PBX3: variants seen among roughly 807,000 people sequenced by gnomAD.
PBX3 encodes PBX homeobox 3.
In PBX3, 14 loss-of-function variants were observed where a neutral mutation model predicts 48.5. The ratio of observed to expected loss-of-function variants is 0.29; its 90% CI spans 0.19 to 0.45. The LOEUF (loss-of-function observed/expected upper bound fraction) is 0.45. Among genes scored for constraint, PBX3 ranks in the 20% least tolerant of loss-of-function variants. PBX3 has a pLI of 1.00. For synonymous variants in PBX3, 210 were observed against 200.3 expected (o/e 1.05, Z -0.41); for missense variants, 386 against 546.7 (o/e 0.71, Z 2.93).
chr9:125,902,278 G>A (rs1326660909), intron 2 of PBX3, among the ~76,000 whole-genome samples: 1 of 151,608 alleles, frequency 6.6e-6, no homozygotes, highest in Admixed American at 6.6e-5. Flanking sequence ...TTAGAGCATT[G>A]ACCAGTGTTA....
intron 2 of PBX3, among the ~76,000 whole-genome samples, chr9:125,897,625 C>G (rs1190824202): frequency 2.0e-5 from 3 of 151,770 alleles, no homozygotes; most frequent in Non-Finnish European, 2.9e-5. Context: ...TCTAAAAAAC[C>G]ACATACTAAA....
chr9:125,772,319 C>A (rs1836961242), intron 2 of PBX3, among the ~76,000 whole-genome samples: 1 of 152,178 alleles, frequency 6.6e-6, no homozygotes, highest in Non-Finnish European at 1.5e-5. Context: ...TTAATAATTA[C>A]TAGTTCTTTT....
intron 5 of PBX3, among the ~76,000 whole-genome samples, chr9:125,944,143 T>C (rs1842019781): frequency 6.6e-6 from 1 of 152,224 alleles, no homozygotes; most frequent in Non-Finnish European, 1.5e-5. Context: ...CCTCCTGGCT[T>C]CCCACTTCTG....
In PBX3 at chr9:125,935,619, C is replaced by T. The variant is rs368123826; in HGVS notation, c.843+12C>T. 4.3e-6 allele frequency: 7 copies of T among 1,613,128 alleles called. No individual in the cohort carries two copies. Among genetic ancestry groups the T allele is most frequent in the South Asian group, 3.3e-5 (3 of 91,022 alleles). On this transcript the variant is annotated intron_variant, in intron 5 of 8. Transcript: ENST00000373489. ...TCACAGTGTCACAGGTGAGAAAGGACCCATGGGTCTGTCTTGTTCCCTGTG... is the reference window on the plus strand; with the variant it reads ...TCACAGTGTCACAGGTGAGAAAGGATCCATGGGTCTGTCTTGTTCCCTGTG...
At chr9:125,815,275 TCTC>T (rs1449038123) in intron 2 of PBX3, among the ~76,000 whole-genome samples, 2 of 152,226 alleles carry the variant, frequency 1.3e-5, no homozygotes, top group African/African-American at 4.8e-5. Flanking sequence ...TTGCTGTTCT[TCTC>T]CTTCCTATAG....
intron 5 of PBX3, among the ~76,000 whole-genome samples, chr9:125,946,609 C>G (rs1842068843): frequency 6.6e-6 from 1 of 152,026 alleles, no homozygotes; most frequent in African/African-American, 2.4e-5. Context: ...GCAGATTAGA[C>G]ATTGCTGAAA....
At chr9:125,876,628 A>G (rs558227253) in intron 2 of PBX3, among the ~76,000 whole-genome samples, 1 of 152,172 alleles carries the variant, frequency 6.6e-6, no homozygotes, top group Non-Finnish European at 1.5e-5. Flanking sequence ...TGTTATCAGT[A>G]AGGCTTCCAG....
chr9:125,948,609 A>G (rs1197494703), intron 5 of PBX3, among the ~76,000 whole-genome samples: 1 of 152,112 alleles, frequency 6.6e-6, no homozygotes, highest in Non-Finnish European at 1.5e-5. Context: ...TTAGAAAGAA[A>G]TTTATAGCTT....
chr9:125,931,100 A>G (rs2132516789), intron 4 of PBX3, among the ~76,000 whole-genome samples: 1 of 152,326 alleles, frequency 6.6e-6, no homozygotes, highest in South Asian at 2.1e-4. Context: ...ATCACTATAA[A>G]TGTTTTACAA....
At position 125,764,177 on chromosome 9, in the gene PBX3, C is replaced by G. The variant is rs1564642719; in HGVS notation, c.274+15554C>G. 5.9e-5 allele frequency among the ~76,000 whole-genome samples: 9 copies of G among 152,248 alleles called. 1 individual carries two copies. The South Asian group carries it at 1.7e-3, about 28-fold the overall frequency. The stretch of plus-strand genomic sequence containing the variant: ...GGCTTTCACCTTTTTCCTGCCCCTC[C>G]CCCTGGTTTTTCTCAGTGAATGTTT... On this transcript the variant is annotated intron_variant, in intron 2 of 8. Transcript: ENST00000373489.
chr9:125,771,057 G>GGGA (rs1300658747), intron 2 of PBX3, among the ~76,000 whole-genome samples: 1 of 152,150 alleles, frequency 6.6e-6, no homozygotes, highest in East Asian at 1.9e-4. Flanking sequence ...GGTCAGGCTT[G>GGGA]GGAAGATATA....
intron 2 of PBX3, among the ~76,000 whole-genome samples, chr9:125,777,522 A>ATTT (rs200498451): frequency 7.1e-6 from 1 of 140,054 alleles, no homozygotes. Flanking sequence ...TGCCTGGCTA[A>ATTT]TTTTTTTTTT....
intron 2 of PBX3, among the ~76,000 whole-genome samples, chr9:125,822,922 A>G (rs1838695241): frequency 6.6e-6 from 1 of 151,958 alleles, no homozygotes; most frequent in African/African-American, 2.4e-5. Context: ...TGGATCATCC[A>G]TATCAATAGT....
chr9:125,864,362 G>A (rs1405970232), intron 2 of PBX3, among the ~76,000 whole-genome samples: 2 of 152,170 alleles, frequency 1.3e-5, no homozygotes, highest in African/African-American at 2.4e-5. Context: ...GCACTAGGGA[G>A]TGGTTTCATG....
At chr9:125,808,703 T>A (rs1838200712) in intron 2 of PBX3, among the ~76,000 whole-genome samples, 1 of 152,088 alleles carries the variant, frequency 6.6e-6, no homozygotes, top group Non-Finnish European at 1.5e-5. Context: ...TAAACACTAA[T>A]TCAGTGTTTA....
At chr9:125,776,553 T>A (rs1167048082) in intron 2 of PBX3, among the ~76,000 whole-genome samples, 1 of 152,196 alleles carries the variant, frequency 6.6e-6, no homozygotes, top group African/African-American at 2.4e-5. Context: ...TTTTCTTTTT[T>A]TAAATGGGCT....
At position 125,820,769 on chromosome 9, in the gene PBX3, A is replaced by G. The variant is rs531579085; in HGVS notation, c.274+72146A>G. ...GCAAGTCTGACTTTATTTTGCCTCT[A>G]TTAAGTAGTAGTATTTTTTTGGTCA... On this transcript the variant is annotated intron_variant, in intron 2 of 8. Coordinates refer to ENST00000373489, the MANE Select transcript of PBX3 (RefSeq NM_006195.6). Among the ~76,000 whole-genome samples the G allele has an allele frequency of 7.9e-5, 12 of 152,334 alleles. No homozygotes were observed. The East Asian group carries it at 2.3e-3, about 29-fold the overall frequency.
intron 5 of PBX3, among the ~76,000 whole-genome samples, 160 bp from the exon 6 acceptor site, chr9:125,960,524 A>G (rs1418172022): frequency 6.6e-6 from 1 of 152,214 alleles, no homozygotes; most frequent in Non-Finnish European, 1.5e-5. Context: ...AAAAGAGAAA[A>G]TAACCCCCAA....
rs5900678 is a variant in PBX3, at chr9:125,929,635, AT to A, written c.517-11del. The A allele has an allele frequency of 1.5e-4, 229 of 1,550,148 alleles. No homozygotes were observed. Among genetic ancestry groups the A allele is most frequent in the Admixed American group, 2.6e-4 (14 of 54,462 alleles). On this transcript the variant is annotated intron_variant, in intron 3 of 8. Coordinates refer to ENST00000373489, the MANE Select transcript of PBX3 (RefSeq NM_006195.6). ...ATAGTAGATAGTTTCCAAAGGAGTG[AT>A]TTTTTTTTCCCATTACAGGCATGTA...
Sources: allele counts gnomAD v4.1 joint callset (sites outside exome capture counted in the v4.1 genomes callset), GRCh38; gene constraint gnomAD v4.1.1; transcripts MANE v1.5; gene names NCBI Gene and HGNC (gene_info 2026-07-23, HGNC 2026-07-21).